The following ACOT7 variants were observed in gnomAD, a reference collection of about 807,000 sequenced individuals.
The protein encoded by ACOT7 is cytosolic acyl coenzyme A thioester hydrolase.
ACOT7 carries 12 observed loss-of-function variants against 40.2 expected under a neutral mutation model. That is an observed-to-expected ratio of 0.30 (90% CI 0.19 to 0.48). The LOEUF is 0.48. Ranked by LOEUF, ACOT7 falls within the 20% of genes least tolerant of loss-of-function variation. ACOT7 has a pLI of 0.99. For synonymous variants in ACOT7, 228 were observed against 219.5 expected (o/e 1.04, Z -0.34); for missense variants, 395 against 530.8 (o/e 0.74, Z 2.51).
At chr1:6,390,673 C>G (rs946810095) in intron 1 of ACOT7, among the ~76,000 whole-genome samples, 1 of 149,132 alleles carries the variant, frequency 6.7e-6, no homozygotes, top group Non-Finnish European at 1.5e-5. Context: ...CAGTGGCTCA[C>G]GCCTGTAATC....
At position 6,381,153 on chromosome 1, in the gene ACOT7, C is replaced by T. The variant is rs1462668013; in HGVS notation, c.143+12104G>A. 7.2e-5 allele frequency among the ~76,000 whole-genome samples: 11 copies of T among 151,818 alleles called. 1 individual carries two copies. On this transcript the variant is annotated intron_variant, in intron 1 of 8. Transcript: ENST00000361521. ...AAAAATGGACACGGACTTTCTCAAACACCAAAAGCTATAGTCTTCAGTTTC... is the reference window on the plus strand; with the variant it reads ...AAAAATGGACACGGACTTTCTCAAATACCAAAAGCTATAGTCTTCAGTTTC...
intron 6 of ACOT7, among the ~76,000 whole-genome samples, chr1:6,315,235 T>C (rs1015042363): frequency 6.6e-6 from 1 of 152,234 alleles, no homozygotes; most frequent in Non-Finnish European, 1.5e-5. Flanking sequence ...CTTTGCGCAG[T>C]CTAGAATTAC....
intron 5 of ACOT7, among the ~76,000 whole-genome samples, chr1:6,322,080 G>A (rs1415750562): frequency 6.6e-6 from 1 of 152,182 alleles, no homozygotes; most frequent in Admixed American, 6.5e-5. Context: ...CAAGCCACAG[G>A]TCGTGCGAAC....
At chr1:6,286,482 G>C (rs113807811) in intron 7 of ACOT7, among the ~76,000 whole-genome samples, 4 of 152,166 alleles carry the variant, frequency 2.6e-5, no homozygotes, top group African/African-American at 7.2e-5. Context: ...GCCAGTCTCC[G>C]GAGGCTACGA....
Position 6,309,335 on chromosome 1 carries a change from T to G in ACOT7, c.712+9157A>C, listed in dbSNP as rs544415009. On this transcript the variant is annotated intron_variant, in intron 6 of 8. Coordinates refer to ENST00000361521, the MANE Select transcript of ACOT7 (RefSeq NM_007274.4). ...AAGACTTGGATTTGGGGGATTGCAGTAGGGGGCTGGGAGGACAGCTCCAAG... is the reference window on the plus strand; with the variant it reads ...AAGACTTGGATTTGGGGGATTGCAGGAGGGGGCTGGGAGGACAGCTCCAAG... Among the ~76,000 whole-genome samples the G allele has an allele frequency of 2.0e-5, 3 of 152,088 alleles. No homozygotes were observed. The South Asian group carries it at 6.2e-4, about 32-fold the overall frequency.
At chr1:6,346,967 G>A (rs957617910) in intron 2 of ACOT7, among the ~76,000 whole-genome samples, 5 of 152,178 alleles carry the variant, frequency 3.3e-5, no homozygotes, top group Non-Finnish European at 7.3e-5. Context: ...AGCAAGCCTG[G>A]GGCAAGGACA....
intron 3 of ACOT7, among the ~76,000 whole-genome samples, chr1:6,333,934 G>A (rs1422811186): frequency 1.3e-5 from 2 of 152,190 alleles, no homozygotes; most frequent in East Asian, 1.9e-4. Context: ...CTTTCCAGGG[G>A]CTGCTGAGAA....
chr1:6,373,865 T>TAA lies in ACOT7; in HGVS notation c.143+19390_143+19391dup, dbSNP rs1278776993. ...GGGCAACAAAAGCTAAACTCCATCT[T>TAA]AAAAAAAAAAAAAAAAATGCAGGAC... On this transcript the variant is annotated intron_variant, in intron 1 of 8. Transcript: ENST00000361521. Among the ~76,000 whole-genome samples the TAA allele has an allele frequency of 4.5e-3, 607 of 135,018 alleles. 5 individuals are homozygous for TAA. The highest frequency in any genetic ancestry group is 0.015 in the African/African-American group (554 of 36,936). 88.6% of individuals were successfully genotyped at this position (135,018 alleles called of 152,430 possible).
At chr1:6,342,168 C>A (rs1301492438) in intron 2 of ACOT7, among the ~76,000 whole-genome samples, 1 of 152,206 alleles carries the variant, frequency 6.6e-6, no homozygotes, top group Non-Finnish European at 1.5e-5. Context: ...AGATTCCATG[C>A]CTGGTAAGGG....
At chr1:6,365,508 A>G (rs903781686) in intron 1 of ACOT7, among the ~76,000 whole-genome samples, 4 of 152,090 alleles carry the variant, frequency 2.6e-5, no homozygotes, top group Admixed American at 1.3e-4. Context: ...GGTGGCTCAC[A>G]CCTGTAATCC....
chr1:6,339,956 TTTTTG>T (rs1224588665), intron 2 of ACOT7, among the ~76,000 whole-genome samples: 28 of 141,310 alleles, frequency 2.0e-4, no homozygotes, highest in Non-Finnish European at 3.5e-4. Flanking sequence ...ATTTTTTGTT[TTTTTG>T]TTTTGTTTTG....
intron 8 of ACOT7, among the ~76,000 whole-genome samples, chr1:6,273,840 G>A (rs1336196807): frequency 6.6e-6 from 1 of 152,254 alleles, no homozygotes; most frequent in Non-Finnish European, 1.5e-5. Context: ...TTCTCTGGGA[G>A]TAGGTGCGGC....
chr1:6,281,091 T>C lies in ACOT7; in HGVS notation c.1014+11A>G. ...CAGGGAGGGGCCGCCGTTCCAAGGATGCGCACTCACCACCAGCTGGGGCAC... is the reference window on the plus strand; with the variant it reads ...CAGGGAGGGGCCGCCGTTCCAAGGACGCGCACTCACCACCAGCTGGGGCAC... On this transcript the variant is annotated intron_variant, in intron 8 of 8. Coordinates refer to ENST00000361521, the MANE Select transcript of ACOT7 (RefSeq NM_007274.4). 1 of 1,612,230 alleles carries C rather than the reference T, an allele frequency of 6.2e-7. No individual in the cohort carries two copies. Among genetic ancestry groups the C allele is most frequent in the Non-Finnish European group, 8.5e-7 (1 of 1,179,854 alleles).
chr1:6,361,194 C>T (rs1341680752), intron 1 of ACOT7, among the ~76,000 whole-genome samples: 1 of 152,138 alleles, frequency 6.6e-6, no homozygotes, highest in African/African-American at 2.4e-5. Flanking sequence ...CACGGACCAG[C>T]CTTGAAACCA....
chr1:6,384,631 G>A (rs1484392374), intron 1 of ACOT7, among the ~76,000 whole-genome samples: 3 of 151,716 alleles, frequency 2.0e-5, no homozygotes, highest in African/African-American at 7.2e-5. Context: ...TACCTTCTGC[G>A]GTATAGGAAG....
chr1:6,364,717 G>A (rs923628315), intron 1 of ACOT7, among the ~76,000 whole-genome samples: 4 of 150,264 alleles, frequency 2.7e-5, no homozygotes, highest in African/African-American at 4.9e-5. Context: ...GCGTGGTTGC[G>A]CTCACCTGTA....
chr1:6,370,967 C>T (rs566532849), intron 1 of ACOT7, among the ~76,000 whole-genome samples: 19 of 152,080 alleles, frequency 1.2e-4, no homozygotes, highest in African/African-American at 2.9e-4. Context: ...CCTGCCACTG[C>T]GCCTGGCTAA....
At chr1:6,351,648 G>A (rs1040484743) in intron 1 of ACOT7, among the ~76,000 whole-genome samples, 2 of 152,220 alleles carry the variant, frequency 1.3e-5, no homozygotes, top group African/African-American at 4.8e-5. Flanking sequence ...TGGTTCTAGA[G>A]CAGTGAGGAA....
intron 2 of ACOT7, among the ~76,000 whole-genome samples, chr1:6,346,473 C>G (rs192328893): frequency 2.7e-5 from 4 of 149,976 alleles, no homozygotes; most frequent in Non-Finnish European, 5.9e-5. Context: ...ATGCACCCAG[C>G]AAGTCCGAGA....
Sources: gnomAD v4.1 joint callset for allele counts (sites outside exome capture counted in the v4.1 genomes callset) on GRCh38, gnomAD v4.1.1 for gene constraint, MANE v1.5 for transcripts, NCBI Gene and HGNC (gene_info 2026-07-23, HGNC 2026-07-21) for gene names.